Variants in C20orf173 observed in about 807,000 individuals in gnomAD.
The protein encoded by C20orf173 is chromosome 20 open reading frame 173.
C20orf173 carries 22 observed loss-of-function variants against 26.7 expected under a neutral mutation model. The ratio of observed to expected loss-of-function variants is 0.82; its 90% CI spans 0.59 to 1.18. C20orf173 has a LOEUF of 1.18. Ranked by LOEUF, C20orf173 falls within the 50% of genes most tolerant of loss-of-function variation. The pLI, the probability that C20orf173 is intolerant of heterozygous loss-of-function variation, is 0.00. For missense variants in C20orf173, 210 were observed against 250.3 expected (o/e 0.84, Z 1.09); for synonymous variants, 85 against 96.4 (o/e 0.88, Z 0.69).
chr20:35,528,439 C>A lies in C20orf173; in HGVS notation c.582+12G>T. 1.3e-6 allele frequency: 2 copies of A among 1,551,244 alleles called. No individual in the cohort carries two copies. The highest frequency in any genetic ancestry group is 1.7e-6 in the Non-Finnish European group (2 of 1,146,544). On this transcript the variant is annotated intron_variant, in intron 4 of 5. Coordinates refer to ENST00000444723, the MANE Select transcript of C20orf173 (RefSeq NM_001145350.2). ...CCCCCACACAGAGAATGTCTGGGGA[C>A]ACCTCCATCACCTTATCACTTAGAG...
Position 35,528,531 on chromosome 20 carries a change from G to C in C20orf173, c.502C>G (p.Gln168Glu), listed in dbSNP as rs1365749683. 6.4e-7 allele frequency: 1 copy of C among 1,551,704 alleles called. No homozygotes were observed. Among genetic ancestry groups the C allele is most frequent in the Non-Finnish European group, 8.7e-7 (1 of 1,147,012 alleles). Residue 168 changes from glutamine (Q) to glutamate (E), a missense_variant, in exon 4 of 6, where the codon CAG (glutamine) becomes GAG (glutamate). Gln to Glu is a conservative substitution (Grantham distance 29). Transcript: ENST00000444723. ...YPVVFRNASD[Q>E]GSWMQLEMLL... is the part of the protein sequence containing the mutation. ...ATCTCCAGCTGCATCCAGGAGCCCT[G>C]GTCGCTGGCATTCCTGGGATAGATG...
intron 2 of C20orf173, 82 bp downstream of exon 2, chr20:35,528,983 C>A: frequency 1.3e-6 from 2 of 1,535,740 alleles, no homozygotes; most frequent in Non-Finnish European, 1.8e-6. Context: ...GGGCCAAGGG[C>A]AGGGATTTGG....
At chr20:35,528,637 A>G in intron 3 of C20orf173, 64 bp downstream of exon 3, 1 of 1,544,206 alleles carries the variant, frequency 6.5e-7, no homozygotes, top group Non-Finnish European at 8.8e-7. Flanking sequence ...GAAGGGGAGC[A>G]GAAACTGATG....
At chr20:35,525,329 G>A (rs1174635415), downstream of C20orf173, among the ~76,000 whole-genome samples, 2 of 151,950 alleles carry the variant, frequency 1.3e-5, no homozygotes, top group East Asian at 3.9e-4. Flanking sequence ...AGGCAGGCAG[G>A]TCACTTGAGG....
Position 35,528,258 on chromosome 20 carries a change from C to T in C20orf173, c.609G>A (p.Ter203=), listed in dbSNP as rs750605021. 46 of 1,551,998 alleles carry T rather than the reference C, an allele frequency of 3.0e-5. 2 individuals are homozygous for T. In the South Asian group the frequency reaches 5.4e-4, roughly 18 times the overall value. ...CGTGTCTTTGCTATCTTCCACTCCACTAGGGAACCAGACCATCTTCCAAAA... is the reference window on the plus strand; with the variant it reads ...CGTGTCTTTGCTATCTTCCACTCCATTAGGGAACCAGACCATCTTCCAAAA... ...DKILEDGLVP[*] Residue 203 remains the stop codon, a stop_retained_variant, in exon 5 of 6, where the codon TAG becomes TAA. Transcript: ENST00000444723.
chr20:35,523,837 C>T (rs753707189), downstream of C20orf173, among the ~76,000 whole-genome samples: 6 of 152,034 alleles, frequency 3.9e-5, no homozygotes, highest in African/African-American at 9.7e-5. Context: ...GCCACCTTGG[C>T]GATGGCTCAC....
chr20:35,526,628 C>CAG (rs2064503806), downstream of C20orf173, among the ~76,000 whole-genome samples: 1 of 53,556 alleles, frequency 1.9e-5, no homozygotes, highest in African/African-American at 7.1e-5. Flanking sequence ...ACTCTTGTCT[C>CAG]AAAAAAAAAA....
downstream of C20orf173, among the ~76,000 whole-genome samples, chr20:35,523,901 T>C (rs1237616993): frequency 6.6e-6 from 1 of 152,088 alleles, no homozygotes; most frequent in Non-Finnish European, 1.5e-5. Context: ...CTTGAGCCCG[T>C]GAGTTCAAGA....
At chr20:35,523,565 CTT>C (rs1171482387), downstream of C20orf173, among the ~76,000 whole-genome samples, 1 of 152,214 alleles carries the variant, frequency 6.6e-6, no homozygotes, top group African/African-American at 2.4e-5. Context: ...AGAGAGGACA[CTT>C]TTTGTGTTCT....
At chr20:35,522,673 C>G (rs6058256), downstream of C20orf173, 2 of 152,878 alleles carry the variant, frequency 1.3e-5, no homozygotes, top group African/African-American at 4.8e-5. Flanking sequence ...CTGCACCCAC[C>G]TGAGGACCAC....
downstream of C20orf173, among the ~76,000 whole-genome samples, chr20:35,526,248 C>T (rs1054310979): frequency 6.6e-6 from 1 of 152,126 alleles, no homozygotes; most frequent in Non-Finnish European, 1.5e-5. Flanking sequence ...CAGCTCTTTC[C>T]ATTAGGAAGA....
Position 35,528,866 on chromosome 20 carries a change from C to T in C20orf173, c.323G>A (p.Gly108Glu), listed in dbSNP as rs1289511216. ...TVLWWLGMNS[G>E]SELGKLWRKL... Reference sequence around the variant, plus strand: ...CCTCCACAATTTCCCAAGCTCGCTCCCTGAGTTCATGCCCTGGAAACAGCA... The same window carrying T: ...CCTCCACAATTTCCCAAGCTCGCTCTCTGAGTTCATGCCCTGGAAACAGCA... Residue 108 changes from glycine (G) to glutamate (E), a missense_variant, in exon 3 of 6, where the codon GGG becomes GAG. Gly to Glu is a moderately conservative substitution (Grantham distance 98). Transcript: ENST00000444723. 31 of 1,551,314 alleles carry T rather than the reference C, an allele frequency of 2.0e-5. No individual in the cohort carries two copies. The highest frequency in any genetic ancestry group is 2.6e-5 in the Non-Finnish European group (30 of 1,146,962).
rs7261862 is a variant in C20orf173 at position 35,528,453 on chromosome 20, T to C, written c.580A>G (p.Lys194Glu). Residue 194 changes from lysine to glutamate, a missense_variant and splice_region_variant, in exon 4 of 6, where the codon AAG becomes GAG. Transcript: ENST00000444723. ...ATGTCTGGGGACACCTCCATCACCT[T>C]ATCACTTAGAGCATCTGAAGTCCAC... ...LVWTSDALSD[K>E]ILEDGLVP 263,899 of 1,551,066 alleles carry C rather than the reference T, an allele frequency of 0.17. 24,455 individuals are homozygous for C. Among genetic ancestry groups the C allele is most frequent in the Middle Eastern group, 0.29 (1,749 of 5,990 alleles).
At chr20:35,522,081 T>C (rs2064478817), downstream of C20orf173, 1 of 152,756 alleles carries the variant, frequency 6.5e-6, no homozygotes, top group Non-Finnish European at 1.5e-5. Context: ...TAGAGGCTGA[T>C]CACCAGCACC....
rs1233065623 is a variant in C20orf173 at position 35,528,534 on chromosome 20, C to T, written c.499G>A (p.Asp167Asn). 1.1e-5 allele frequency: 17 copies of T among 1,551,526 alleles called. No individual in the cohort carries two copies. Among genetic ancestry groups the T allele is most frequent in the East Asian group, 2.4e-5 (1 of 40,934 alleles). ...TCCAGCTGCATCCAGGAGCCCTGGT[C>T]GCTGGCATTCCTGGGATAGATGAAG... ...QYPVVFRNAS[D>N]QGSWMQLEML... Residue 167 changes from aspartate to asparagine, a missense_variant, in exon 4 of 6, where the codon GAC (aspartate) becomes AAC (asparagine). Coordinates refer to ENST00000444723, the MANE Select transcript of C20orf173 (RefSeq NM_001145350.2).
chr20:35,526,172 C>T (rs2064501195), downstream of C20orf173, among the ~76,000 whole-genome samples: 1 of 152,182 alleles, frequency 6.6e-6, no homozygotes. Flanking sequence ...ACCTGGAATG[C>T]CACCACTGCT....
At chr20:35,522,579 C>T (rs528440163), downstream of C20orf173, 2 of 152,780 alleles carry the variant, frequency 1.3e-5, no homozygotes, top group Admixed American at 6.5e-5. Flanking sequence ...CAGACAGGGG[C>T]CTGGTTCATC....
chr20:35,528,426 G>C (rs1422860948), intron 4 of C20orf173, 25 bp downstream of exon 4: 1 of 1,546,892 alleles, frequency 6.5e-7, no homozygotes, highest in Non-Finnish European at 8.8e-7. Flanking sequence ...CCCACACAGA[G>C]AATGTCTGGG....
chr20:35,528,668 C>A, intron 3 of C20orf173, 33 bp downstream of exon 3: 1 of 1,530,702 alleles, frequency 6.5e-7, no homozygotes, highest in Non-Finnish European at 8.8e-7. Context: ...GCAGGCCTGG[C>A]CTTCCTGCTC....
Sources: gnomAD v4.1 joint callset for allele counts (sites outside exome capture counted in the v4.1 genomes callset) on GRCh38, gnomAD v4.1.1 for gene constraint, MANE v1.5 for transcripts, NCBI Gene and HGNC (gene_info 2026-07-23, HGNC 2026-07-21) for gene names.